Variants in NIBAN2 observed in about 807,000 individuals in gnomAD.
NIBAN2 encodes the protein niban apoptosis regulator 2, also known as protein Niban 2.
A neutral mutation model predicts 81.8 loss-of-function variants in NIBAN2; 36 were observed. The ratio of observed to expected loss-of-function variants is 0.44; its 90% CI spans 0.34 to 0.58. The LOEUF is 0.58. NIBAN2 is among the 20% of genes least tolerant of loss of function. The pLI, the probability that NIBAN2 is intolerant of heterozygous loss-of-function variation, is 0.02. For missense variants in NIBAN2, 897 were observed against 1,014.1 expected (o/e 0.88, Z 1.57); for synonymous variants, 445 against 441.6 (o/e 1.01, Z -0.10).
Position 127,508,052 on chromosome 9 carries a change from A to G in NIBAN2, c.1542+41T>C. 1 of 1,610,916 alleles carries G rather than the reference A, an allele frequency of 6.2e-7. No homozygotes were observed. The highest frequency in any genetic ancestry group is 8.5e-7 in the Non-Finnish European group (1 of 1,177,218). On this transcript the variant is annotated intron_variant, in intron 12 of 13. Transcript: ENST00000373312. The surrounding 1 kb of genome is among the most constrained non-coding windows in gnomAD (Gnocchi z 6.4). ...GGAGGCCTGTGGGCTCCATCCCCCA[A>G]CTTAGGGCCCAAACGGCTGGAGCAG... is the stretch of plus-strand genomic sequence containing the variant.
At chr9:127,553,394 T>C (rs1837612566) in intron 1 of NIBAN2, among the ~76,000 whole-genome samples, 2 of 152,188 alleles carry the variant, frequency 1.3e-5, no homozygotes, top group African/African-American at 4.8e-5. Flanking sequence ...CTGCTGAGGC[T>C]CCTCCAGGAG....
Position 127,507,008 on chromosome 9 carries a change from G to A in NIBAN2, c.2078C>T (p.Pro693Leu), listed in dbSNP as rs368592407. The A allele has an allele frequency of 8.4e-5, 134 of 1,594,296 alleles. No homozygotes were observed. The highest frequency in any genetic ancestry group is 9.6e-5 in the Non-Finnish European group (112 of 1,169,234). The change falls in exon 14 of 14, where the codon CCG (proline) becomes CTG (leucine). Residue 693 changes from proline to leucine, a missense_variant. Physicochemically the swap from Pro to Leu is moderately conservative, Grantham distance 98. This residue lies in a region of NIBAN2 where 619 missense variants were observed against 691.0 expected (regional missense o/e 0.90). Transcript: ENST00000373312. The surrounding 1 kb of genome is among the most constrained non-coding windows in gnomAD (Gnocchi z 6.8). ...QPKAAPEASSPPASPLQHLLP... is the reference protein window; with the variant it reads ...QPKAAPEASSLPASPLQHLLP... ...GAGATGCTGGAGGGGTGAGGCAGGC[G>A]GCGAGGAGGCCTCGGGGGCGGCCTT... is the stretch of plus-strand genomic sequence containing the variant.
chr9:127,539,593 C>A (rs1184319630), intron 1 of NIBAN2, among the ~76,000 whole-genome samples: 1 of 152,170 alleles, frequency 6.6e-6, no homozygotes, highest in Non-Finnish European at 1.5e-5. Context: ...AATTTTCCCA[C>A]CTTTAAAATG....
At chr9:127,532,319 G>A (rs1837199023) in intron 1 of NIBAN2, among the ~76,000 whole-genome samples, 1 of 152,206 alleles carries the variant, frequency 6.6e-6, no homozygotes, top group Middle Eastern at 3.2e-3. Flanking sequence ...GTAAAAAGAT[G>A]GAGGGGGGCC....
upstream of NIBAN2, among the ~76,000 whole-genome samples, chr9:127,574,016 A>G (rs935788531): frequency 6.6e-6 from 1 of 152,134 alleles, no homozygotes; most frequent in South Asian, 2.1e-4. Context: ...GGGAATGTCT[A>G]TCTTTTTCTT....
upstream of NIBAN2, among the ~76,000 whole-genome samples, chr9:127,572,019 A>G (rs1318821350): frequency 6.6e-6 from 1 of 152,194 alleles, no homozygotes; most frequent in Non-Finnish European, 1.5e-5. Flanking sequence ...TATCAAAATT[A>G]TACTTCAACA....
chr9:127,565,545 C>A (rs1165000381), intron 1 of NIBAN2, among the ~76,000 whole-genome samples: 2 of 151,904 alleles, frequency 1.3e-5, no homozygotes, highest in African/African-American at 2.4e-5. Flanking sequence ...ATAATCTTGG[C>A]ACTTTGGGAG....
Position 127,568,981 on chromosome 9 carries a change from GCTCCCGCC to G in NIBAN2, c.-115_-108del, listed in dbSNP as rs1837908558. The G allele has an allele frequency of 2.1e-4, 19 of 91,536 alleles. No homozygotes were observed. The highest frequency in any genetic ancestry group is 2.4e-4 in the Non-Finnish European group (18 of 76,330). 5.7% of individuals were successfully genotyped at this position (91,536 alleles called of 1,614,324 possible). ...GAGCCCGGCCCGCCCTGCTTCCCCC[GCTCCCGCC>G]GCTCCCGCCGCTCCCGCCGCCCGGC... On this transcript the variant is annotated 5_prime_UTR_variant, in exon 1 of 14. Transcript: ENST00000373312.
intron 1 of NIBAN2, among the ~76,000 whole-genome samples, chr9:127,539,850 G>A (rs767965971): frequency 2.6e-5 from 4 of 152,160 alleles, no homozygotes; most frequent in African/African-American, 4.8e-5. Flanking sequence ...ACAGGCTCTG[G>A]GTCCAAGTCC....
rs762857729 is a variant in NIBAN2 at position 127,525,159 on chromosome 9, T to C, written c.320A>G (p.Tyr107Cys). Residue 107 changes from tyrosine to cysteine, a missense_variant, in exon 4 of 14, where the codon TAT becomes TGT. This residue lies in a region of NIBAN2 where 209 missense variants were observed against 208.4 expected (regional missense o/e 1.00). Transcript: ENST00000373312. ...GLVLYENKAA[Y>C]ERQVPPRAVI... The stretch of plus-strand genomic sequence containing the variant: ...GGCTCGTGGTGGGACCTGCCGCTCA[T>C]AGGCCTGAGGGAGGCAAGAGAGAGG... The C allele has an allele frequency of 5.0e-6, 8 of 1,613,790 alleles. No individual in the cohort carries two copies. Among genetic ancestry groups the C allele is most frequent in the Non-Finnish European group, 6.8e-6 (8 of 1,179,776 alleles).
chr9:127,529,986 C>T (rs528112246), intron 2 of NIBAN2, among the ~76,000 whole-genome samples: 1 of 152,278 alleles, frequency 6.6e-6, no homozygotes, highest in Non-Finnish European at 1.5e-5. Flanking sequence ...TGAGGCCTCA[C>T]GCAGAGGAAA....
intron 1 of NIBAN2, among the ~76,000 whole-genome samples, chr9:127,557,195 C>T (rs1480887632): frequency 2.0e-5 from 3 of 152,138 alleles, no homozygotes; most frequent in East Asian, 1.9e-4. Flanking sequence ...GGGCTACTGG[C>T]TGCAGGGCTT....
intron 1 of NIBAN2, among the ~76,000 whole-genome samples, chr9:127,533,612 C>T (rs139835356): frequency 1.5e-4 from 23 of 152,244 alleles, no homozygotes; most frequent in Non-Finnish European, 3.2e-4. Flanking sequence ...CCAGCCTGGG[C>T]GACAGAGCGA....
intron 1 of NIBAN2, among the ~76,000 whole-genome samples, chr9:127,558,283 C>T (rs930013339): frequency 6.6e-6 from 1 of 152,122 alleles, no homozygotes; most frequent in African/African-American, 2.4e-5. Flanking sequence ...CCACCCGGCC[C>T]AATCATTCCT....
intron 1 of NIBAN2, among the ~76,000 whole-genome samples, chr9:127,565,962 A>G (rs1837852257): frequency 6.6e-6 from 1 of 150,560 alleles, no homozygotes; most frequent in East Asian, 2.0e-4. Context: ...ACACACACAC[A>G]CACACACACA....
rs1564301216 is a variant in NIBAN2, at chr9:127,523,168, T to TAA, written c.589+510_589+511insTT. On this transcript the variant is annotated intron_variant, in intron 5 of 13. Transcript: ENST00000373312. ...CAAATCACCCTGCAGGTTGGTGGTTTTAAAAAAAAAAAAAAAAAAAAAAAA... is the reference window on the plus strand; with the variant it reads ...CAAATCACCCTGCAGGTTGGTGGTTTAATAAAAAAAAAAAAAAAAAAAAAAAA... 6.3e-4 allele frequency among the ~76,000 whole-genome samples: 12 copies of TAA among 19,010 alleles called. 1 individual carries two copies. The highest frequency in any genetic ancestry group is 2.1e-3 in the Admixed American group (3 of 1,422). 12.5% of individuals were successfully genotyped at this position (19,010 alleles called of 152,430 possible).
chr9:127,548,746 T>G (rs77677413), intron 1 of NIBAN2, among the ~76,000 whole-genome samples: 1 of 152,270 alleles, frequency 6.6e-6, no homozygotes, highest in East Asian at 1.9e-4. Flanking sequence ...AAGTACCACA[T>G]AGGGGCTGCT....
Position 127,506,739 on chromosome 9 carries a change from C to A in NIBAN2, c.*106G>T. 1 of 1,071,846 alleles carries A rather than the reference C, an allele frequency of 9.3e-7. No homozygotes were observed. Among genetic ancestry groups the A allele is most frequent in the Non-Finnish European group, 1.3e-6 (1 of 761,040 alleles). The allele number at this position is 1,071,846 out of a possible 1,614,324, so 66.4% of individuals were successfully genotyped here. ...GGCGGTGCCACACAGCCCTGCCCCG[C>A]CTCCACCCACAAGGCACAGACCAGG... On this transcript the variant is annotated 3_prime_UTR_variant, in exon 14 of 14. Coordinates refer to ENST00000373312, the MANE Select transcript of NIBAN2 (RefSeq NM_022833.4).
At chr9:127,552,696 T>TTG (rs1837600605) in intron 1 of NIBAN2, among the ~76,000 whole-genome samples, 2 of 141,962 alleles carry the variant, frequency 1.4e-5, no homozygotes, top group African/African-American at 2.7e-5. Flanking sequence ...TTTTTTTTTT[T>TTG]TTTTTTTTTT....
Sources: allele counts gnomAD v4.1 joint callset (sites outside exome capture counted in the v4.1 genomes callset), GRCh38; gene constraint gnomAD v4.1.1; regional missense constraint gnomAD v4.1.1; non-coding constraint Gnocchi (gnomAD v3.1); transcripts MANE v1.5; gene names NCBI Gene and HGNC (gene_info 2026-07-23, HGNC 2026-07-21).